SYCP2: variants seen among roughly 807,000 people sequenced by gnomAD.
SYCP2 encodes the protein synaptonemal complex protein 2.
SYCP2 carries 55 observed loss-of-function variants against 211.3 expected under a neutral mutation model. The observed-to-expected ratio is 0.26, with a 90% CI of 0.21 to 0.33. The LOEUF (loss-of-function observed/expected upper bound fraction) is 0.33, where lower values mean the gene tolerates loss of function less well. SYCP2 is among the 10% of genes least tolerant of loss of function. The probability of loss-of-function intolerance (pLI) is 1.00; values close to 1 mark genes in which losing one functional copy is unlikely to be tolerated. For synonymous variants in SYCP2, 570 were observed against 555.2 expected, an observed-to-expected ratio of 1.03 and a Z score of -0.37; for missense variants, 1,731 against 1,752.0, an observed-to-expected ratio of 0.99 and a Z score of 0.21.
At chr20:59,902,191 G>A (rs745985786) in intron 15 of SYCP2, among the ~76,000 whole-genome samples, 4 of 151,880 alleles carry the variant, frequency 2.6e-5, no homozygotes, top group Non-Finnish European at 5.9e-5. Context: ...CATATTTCTA[G>A]ACATACACAT....
At chr20:59,928,694 A>G (rs558243171) in intron 2 of SYCP2, among the ~76,000 whole-genome samples, 147 of 152,316 alleles carry the variant, frequency 9.7e-4, no homozygotes, top group African/African-American at 3.4e-3. Context: ...TATTTGAGTC[A>G]GATGGTTTCG....
Position 59,903,765 on chromosome 20 carries a change from T to G in SYCP2, c.1034-1955A>C, listed in dbSNP as rs372614605. Among the ~76,000 whole-genome samples, 86 of 152,142 alleles carry G rather than the reference T, an allele frequency of 5.7e-4. 1 individual carries two copies. In the South Asian group the frequency reaches 0.017, roughly 30 times the overall value. ...GCAAGGTTAAGGATAACTTAAAAAT[T>G]TAAATAGCAGCTGTTAGACAACTGG... is the stretch of plus-strand genomic sequence containing the variant. On this transcript the variant is annotated intron_variant, in intron 15 of 44. Coordinates refer to ENST00000357552, the MANE Select transcript of SYCP2 (RefSeq NM_014258.4).
intron 13 of SYCP2, chr20:59,912,110 A>G (rs979028452): frequency 6.9e-5 from 29 of 420,488 alleles, no homozygotes; most frequent in Non-Finnish European, 1.1e-4. Context: ...GAATAGATTC[A>G]TACATGATAA....
Position 59,866,301 on chromosome 20 carries a change from C to T in SYCP2, c.4312G>A (p.Glu1438Lys). ...DSQSLKDLEKEFVDFWEKIFQ... is the reference protein window; with the variant it reads ...DSQSLKDLEKKFVDFWEKIFQ... ...TTTTTAAAGTAACAAACCACAAATTCCTTTTCCAAATCTTTTAAAGACTGT... is the reference window on the plus strand; with the variant it reads ...TTTTTAAAGTAACAAACCACAAATTTCTTTTCCAAATCTTTTAAAGACTGT... The change falls in exon 41 of 45, where the codon GAA (glutamate) becomes AAA (lysine). Residue 1438 changes from glutamate to lysine, a missense_variant. Transcript: ENST00000357552. 2 of 1,577,636 alleles carry T rather than the reference C, an allele frequency of 1.3e-6. No homozygotes were observed. Among genetic ancestry groups the T allele is most frequent in the African/African-American group, 2.7e-5 (2 of 72,880 alleles).
chr20:59,865,657 A>T lies in SYCP2; in HGVS notation c.4380-6T>A, dbSNP rs2059317106. 2 of 1,581,246 alleles carry T rather than the reference A, an allele frequency of 1.3e-6. No individual in the cohort carries two copies. The highest frequency in any genetic ancestry group is 4.5e-5 in the East Asian group (2 of 44,406). ...AAGTTTTCAAAAGATGAAGCCTAAG[A>T]AGTAAAATAATGAGTTAACCTTGTA... On this transcript the variant is annotated splice_polypyrimidine_tract_variant and splice_region_variant and intron_variant, in intron 42 of 44. Transcript: ENST00000357552.
chr20:59,911,840 T>C lies in SYCP2; in HGVS notation c.882A>G (p.Gln294=), dbSNP rs781022194. The change falls in exon 14 of 45, where the codon CAA becomes CAG. Residue 294 remains glutamine, a synonymous_variant. Transcript: ENST00000357552. ...CCTCAAGTTTTTCATCTGATGGTAT[T>C]TGCAGCTAATAAAATAAACATACAA... ...LSAFLDKYEL[Q]IPSDEKLEEF... 3.2e-6 allele frequency: 5 copies of C among 1,546,496 alleles called. No individual in the cohort carries two copies. In the South Asian group the frequency reaches 3.6e-5, roughly 11 times the overall value.
chr20:59,865,332 CA>C, intron 44 of SYCP2, 55 bp downstream of exon 44: 1 of 1,417,634 alleles, frequency 7.1e-7, no homozygotes, highest in Non-Finnish European at 9.7e-7. Context: ...ACAAAAAAAT[CA>C]AAAACAAAAG....
chr20:59,894,011 A>G (rs532200419), intron 20 of SYCP2, among the ~76,000 whole-genome samples: 1 of 152,154 alleles, frequency 6.6e-6, no homozygotes, highest in East Asian at 1.9e-4. Flanking sequence ...GATATCGAAG[A>G]GGACGATTTT....
chr20:59,901,190 A>T lies in SYCP2; in HGVS notation c.1183-372T>A, dbSNP rs541994192. ...TCATAATGTCTTCCACATGCCTGGA[A>T]AGTATTTTATCTAAATGCTTTCCTT... On this transcript the variant is annotated intron_variant, in intron 16 of 44. Transcript: ENST00000357552. Among the ~76,000 whole-genome samples, 15 of 152,172 alleles carry T rather than the reference A, an allele frequency of 9.9e-5. 1 individual carries two copies. In the South Asian group the frequency reaches 2.3e-3, roughly 23 times the overall value.
rs1019392647 is a variant in SYCP2 at position 59,923,862 on chromosome 20, GAAGA to G, written c.-46-1407_-46-1404del. Among the ~76,000 whole-genome samples, 19 of 151,704 alleles carry G rather than the reference GAAGA, an allele frequency of 1.3e-4. 1 individual carries two copies. The highest frequency in any genetic ancestry group is 2.1e-4 in the South Asian group (1 of 4,816). On this transcript the variant is annotated intron_variant, in intron 2 of 44. Coordinates refer to ENST00000357552, the MANE Select transcript of SYCP2 (RefSeq NM_014258.4). ...GAGAGAAACAGAAAGAGACCCAGAA[GAAGA>G]AAGAAAAACAGACAACACAAAGTAA...
intron 2 of SYCP2, among the ~76,000 whole-genome samples, chr20:59,926,355 A>G (rs2060634289): frequency 6.6e-6 from 1 of 152,012 alleles, no homozygotes; most frequent in South Asian, 2.1e-4. Flanking sequence ...TCCCTCTGAA[A>G]GTGCTGGAAG....
At chr20:59,886,651 T>G (rs1418305162) in intron 25 of SYCP2, 56 bp downstream of exon 25, 2 of 1,307,148 alleles carry the variant, frequency 1.5e-6, no homozygotes, top group Non-Finnish European at 2.1e-6. Flanking sequence ...TTTAAAATTG[T>G]GTAATATAGT....
In SYCP2 at chr20:59,925,562, A is replaced by T. The variant is rs572594616; in HGVS notation, c.-46-3103T>A. Among the ~76,000 whole-genome samples, 13 of 152,228 alleles carry T rather than the reference A, an allele frequency of 8.5e-5. No individual in the cohort carries two copies. In the East Asian group the frequency reaches 2.5e-3, roughly 29 times the overall value. On this transcript the variant is annotated intron_variant, in intron 2 of 44. Transcript: ENST00000357552. Reference sequence around the variant, plus strand: ...TTAATGTAAACATACTCTTGGAAACATGAACTGAATAAAAGGGTCCTATTT... The same window carrying T: ...TTAATGTAAACATACTCTTGGAAACTTGAACTGAATAAAAGGGTCCTATTT...
At chr20:59,871,594 G>T (rs763105170) in intron 35 of SYCP2, among the ~76,000 whole-genome samples, 1 of 151,966 alleles carries the variant, frequency 6.6e-6, no homozygotes, top group Middle Eastern at 3.4e-3. Flanking sequence ...ATTAAAGGAT[G>T]CGGGGGAAAA....
rs1178915136 is a variant in SYCP2, at chr20:59,881,989, T to A, written c.2614A>T (p.Asn872Tyr). 3 of 1,613,102 alleles carry A rather than the reference T, an allele frequency of 1.9e-6. No homozygotes were observed. Among genetic ancestry groups the A allele is most frequent in the Non-Finnish European group, 2.5e-6 (3 of 1,179,444 alleles). ...TSECPVNDVY[N>Y]FNLNGADDPI... The stretch of plus-strand genomic sequence containing the variant: ...TCATCAGCTCCATTCAAATTAAAAT[T>A]GTAAACATCATTCCTGTGAAAATGA... The change falls in exon 28 of 45, where the codon AAT becomes TAT. Residue 872 changes from asparagine to tyrosine, a missense_variant. Physicochemically the swap from Asn to Tyr is moderately radical, Grantham distance 143. Transcript: ENST00000357552.
intron 18 of SYCP2, among the ~76,000 whole-genome samples, chr20:59,898,895 T>C (rs2060062795): frequency 6.6e-6 from 1 of 152,224 alleles, no homozygotes; most frequent in Non-Finnish European, 1.5e-5. Flanking sequence ...TAAAGCAAAC[T>C]ACCTTACAAA....
Position 59,892,676 on chromosome 20 carries a change from A to T in SYCP2, c.1819T>A (p.Cys607Ser), listed in dbSNP as rs1158378080. The T allele has an allele frequency of 6.2e-7, 1 of 1,608,594 alleles. No individual in the cohort carries two copies. The highest frequency in any genetic ancestry group is 1.7e-5 in the Admixed American group (1 of 59,188). The change falls in exon 23 of 45, where the codon TGT (cysteine) becomes AGT (serine). Residue 607 changes from cysteine (C) to serine (S), a missense_variant. By Grantham distance (112) the Cys-to-Ser change is moderately radical (BLOSUM62 -1). Coordinates refer to ENST00000357552, the MANE Select transcript of SYCP2 (RefSeq NM_014258.4). Reference protein sequence around the residue: ...TILPGVLDNICGNKIHSKWAC... With the variant: ...TILPGVLDNISGNKIHSKWAC... ...CATTTGCTGTGTATTTTATTTCCAC[A>T]GATGTTGTCTAAAACACCAGGTAAT...
In SYCP2 at chr20:59,875,435, T is replaced by G; in HGVS notation, c.3185A>C (p.Lys1062Thr). The stretch of plus-strand genomic sequence containing the variant: ...GACTTTCTGTTGTTTCTTTGGTAGC[T>G]TTACCGTTTTCATTCTGGAATGGAT... ...ENIHSRMKTV[K>T]LPKKQQKVFC... The change falls in exon 34 of 45, where the codon AAG becomes ACG. Residue 1062 changes from lysine to threonine, a missense_variant. Physicochemically the swap from Lys to Thr is moderately conservative, Grantham distance 78 (BLOSUM62 -1). Around this residue, in one of 3 missense-constraint regions of SYCP2, gnomAD observed 1,387 missense variants for 1,351.3 expected, o/e 1.03. Coordinates refer to ENST00000357552, the MANE Select transcript of SYCP2 (RefSeq NM_014258.4). 2 of 1,612,570 alleles carry G rather than the reference T, an allele frequency of 1.2e-6. No individual in the cohort carries two copies. The highest frequency in any genetic ancestry group is 1.7e-6 in the Non-Finnish European group (2 of 1,179,236).
At chr20:59,905,931 G>T (rs1259188833) in intron 15 of SYCP2, among the ~76,000 whole-genome samples, 1 of 152,060 alleles carries the variant, frequency 6.6e-6, no homozygotes, top group Non-Finnish European at 1.5e-5. Flanking sequence ...CAGAAAGAAA[G>T]TAGTAAAACT....
Sources: gnomAD v4.1 joint callset for allele counts (sites outside exome capture counted in the v4.1 genomes callset) on GRCh38, gnomAD v4.1.1 for gene constraint, gnomAD v4.1.1 regional missense constraint, MANE v1.5 for transcripts, NCBI Gene and HGNC (gene_info 2026-07-23, HGNC 2026-07-21) for gene names.